Variants in ZNF468 observed in about 807,000 individuals in gnomAD.
ZNF468 encodes the protein zinc finger protein 468, also known as zinc finger protein ZNF468.
In ZNF468, 8 loss-of-function variants were observed where a neutral mutation model predicts 7.2. That is an observed-to-expected ratio of 1.11 (90% CI 0.65 to 2.01). ZNF468 has a LOEUF of 2.01. Ranked by LOEUF, ZNF468 falls within the 30% of genes most tolerant of loss-of-function variation. ZNF468 has a pLI of 0.00. For synonymous variants in ZNF468, 218 were observed against 214.4 expected, an observed-to-expected ratio of 1.02 and a Z score of -0.15; for missense variants, 608 against 626.5, an observed-to-expected ratio of 0.97 and a Z score of 0.31.
intron 2 of ZNF468, among the ~76,000 whole-genome samples, chr19:52,852,385 A>G (rs1213898545): frequency 4.6e-5 from 7 of 152,016 alleles, no homozygotes; most frequent in African/African-American, 1.7e-4. Flanking sequence ...AAATTTTTAC[A>G]AAAATAACAG....
rs536624484 is a variant in ZNF468, at chr19:52,852,733, C to T, written c.15+1525G>A. 2.6e-5 allele frequency among the ~76,000 whole-genome samples: 4 copies of T among 152,030 alleles called. No homozygotes were observed. The South Asian group carries it at 6.3e-4, about 24-fold the overall frequency. ...TAACTATTGGGTACTGGACTTGATA[C>T]CGGAGTGATGAAATAATTGGTACAA... On this transcript the variant is annotated intron_variant, in intron 2 of 3. Transcript: ENST00000595646.
In ZNF468 at chr19:52,841,340, C is replaced by T. The variant is rs1310568936; in HGVS notation, c.954G>A (p.Lys318=). The T allele has an allele frequency of 1.2e-6, 2 of 1,613,946 alleles. No homozygotes were observed. Among genetic ancestry groups the T allele is most frequent in the Non-Finnish European group, 8.5e-7 (1 of 1,179,944 alleles). ...FSRKSHLERH[K]RIHTGEKPYK... is the part of the protein sequence containing the mutation. ...ATGGTTTCTCTCCAGTATGAATCCT[C>T]TTATGTCTTTCAAGGTGTGATTTGC... The change falls in exon 4 of 4, where the codon AAG becomes AAA. Residue 318 remains lysine, a synonymous_variant. Transcript: ENST00000595646.
chr19:52,854,146 A>T, intron 2 of ZNF468, 112 bp downstream of exon 2: 8 of 1,599,330 alleles, frequency 5.0e-6, no homozygotes, highest in Non-Finnish European at 6.8e-6. Context: ...GGCATAAGTG[A>T]GGGTGAGCAA....
intron 3 of ZNF468, among the ~76,000 whole-genome samples, chr19:52,845,542 G>A (rs10424986): frequency 0.18 from 27,903 of 151,776 alleles, 2,903 homozygotes; most frequent in Admixed American, 0.31. Context: ...GCCTGTAGTC[G>A]CAGCTACTGG....
intron 2 of ZNF468, among the ~76,000 whole-genome samples, chr19:52,850,927 A>G (rs2063384689): frequency 6.6e-6 from 1 of 150,846 alleles, no homozygotes; most frequent in East Asian, 1.9e-4. Context: ...AAATATATAT[A>G]TATATACACA....
Position 52,839,812 on chromosome 19 carries a change from A to G in ZNF468, c.*913T>C, listed in dbSNP as rs2147721106. The G allele has an allele frequency of 1.9e-6, 1 of 513,092 alleles. No individual in the cohort carries two copies. The highest frequency in any genetic ancestry group is 5.3e-5 in the East Asian group (1 of 18,702). The allele number at this position is 513,092 out of a possible 1,614,324, so 31.8% of individuals were successfully genotyped here. A position where few individuals can be genotyped will look rare whatever the true frequency, so the allele number is the denominator to read the frequency against. The stretch of plus-strand genomic sequence containing the variant: ...TAAGGTTTCTCTCCAGCATGAGTTC[A>G]CCAGTGAAATGCAAGGCATGAACGA... On this transcript the variant is annotated 3_prime_UTR_variant, in exon 4 of 4. Coordinates refer to ENST00000595646, the MANE Select transcript of ZNF468 (RefSeq NM_001008801.2).
intron 3 of ZNF468, 107 bp downstream of exon 3, chr19:52,848,980 C>A (rs1463418680): frequency 1.1e-5 from 17 of 1,499,166 alleles, no homozygotes; most frequent in Non-Finnish European, 1.4e-5. Context: ...ATTTCAAAAT[C>A]AATATGGCTT....
chr19:52,842,118 GACA>G lies in ZNF468; in HGVS notation c.173_175del (p.Leu58del), dbSNP rs763683414. The G allele has an allele frequency of 1.3e-5, 20 of 1,595,394 alleles. No individual in the cohort carries two copies. Among genetic ancestry groups the G allele is most frequent in the Admixed American group, 5.3e-5 (3 of 56,298 alleles). On this transcript the variant is annotated inframe_deletion, in exon 4 of 4. Coordinates refer to ENST00000595646, the MANE Select transcript of ZNF468 (RefSeq NM_001008801.2). ...TTCTGTATTGCCTTGCCCTGTTGAC[GACA>G]ACGTCTTCAACATGCATTTGGAAGA... is the stretch of plus-strand genomic sequence containing the variant.
At chr19:52,854,776 G>A (rs1023596112) in intron 1 of ZNF468, among the ~76,000 whole-genome samples, 12 of 151,960 alleles carry the variant, frequency 7.9e-5, no homozygotes, top group Non-Finnish European at 1.5e-4. Flanking sequence ...TGTAATACTA[G>A]CACTCTGAAA....
At chr19:52,852,840 T>A (rs114444675) in intron 2 of ZNF468, among the ~76,000 whole-genome samples, 51,365 of 150,994 alleles carry the variant, frequency 0.34, 9,456 homozygotes, top group South Asian at 0.5. Flanking sequence ...TATATAAAAT[T>A]TTTTTTTAAT....
chr19:52,848,180 A>C (rs1192088670), intron 3 of ZNF468, among the ~76,000 whole-genome samples: 1 of 152,056 alleles, frequency 6.6e-6, no homozygotes, highest in Non-Finnish European at 1.5e-5. Flanking sequence ...CTGCATTTAC[A>C]CCTGTAATAC....
At chr19:52,845,908 C>T (rs71361277) in intron 3 of ZNF468, among the ~76,000 whole-genome samples, 1 of 151,988 alleles carries the variant, frequency 6.6e-6, no homozygotes, top group African/African-American at 2.4e-5. Context: ...GAGGCTGAGG[C>T]AGGAGAATCA....
intron 2 of ZNF468, 91 bp from the exon 3 acceptor site, chr19:52,849,304 T>C: frequency 6.3e-7 from 1 of 1,599,144 alleles, no homozygotes; most frequent in South Asian, 1.1e-5. Context: ...AAAGCATGGA[T>C]TTAACTGTAG....
At chr19:52,849,587 A>T (rs924896774) in intron 2 of ZNF468, 12 of 248,880 alleles carry the variant, frequency 4.8e-5, no homozygotes, top group Non-Finnish European at 8.5e-5. Context: ...TCCACAGTAA[A>T]AGATAGGCTG....
chr19:52,844,170 T>C (rs1378636817), intron 3 of ZNF468, among the ~76,000 whole-genome samples: 1 of 152,164 alleles, frequency 6.6e-6, no homozygotes, highest in African/African-American at 2.4e-5. Context: ...CTTTGGTAGA[T>C]GTGGTATTCT....
chr19:52,854,137 G>A (rs1363986534), intron 2 of ZNF468, 121 bp downstream of exon 2: 1 of 1,594,102 alleles, frequency 6.3e-7, no homozygotes, highest in Non-Finnish European at 8.6e-7. Context: ...CTGAAGGAAG[G>A]CATAAGTGAG....
chr19:52,840,149 T>C lies in ZNF468; in HGVS notation c.*576A>G, dbSNP rs2063282316. ...GGCTTTTCTCCAGTGTGAATTCTCC[T>C]ATGTATTTGAAGCTGGATTTGTGAA... On this transcript the variant is annotated 3_prime_UTR_variant, in exon 4 of 4. Transcript: ENST00000595646. 6.8e-6 allele frequency: 3 copies of C among 439,160 alleles called. No homozygotes were observed. Among genetic ancestry groups the C allele is most frequent in the Non-Finnish European group, 1.3e-5 (3 of 238,894 alleles). The allele number at this position is 439,160 out of a possible 1,614,324, so 27.2% of individuals were successfully genotyped here. A position where few individuals can be genotyped will look rare whatever the true frequency, so the allele number is the denominator to read the frequency against.
intron 2 of ZNF468, 114 bp from the exon 3 acceptor site, chr19:52,849,327 C>G: frequency 6.4e-7 from 1 of 1,562,144 alleles, no homozygotes; most frequent in Non-Finnish European, 8.7e-7. Context: ...AATGTTCTGA[C>G]AAATCCAAAT....
chr19:52,842,814 CAAAAAAAA>C (rs60067060), intron 3 of ZNF468, among the ~76,000 whole-genome samples: 1 of 52,928 alleles, frequency 1.9e-5, no homozygotes, highest in Non-Finnish European at 3.1e-5. Context: ...GACTCCATCT[CAAAAAAAA>C]AAAAAAAAAA....
Sources: gnomAD v4.1 joint callset for allele counts (sites outside exome capture counted in the v4.1 genomes callset) on GRCh38, gnomAD v4.1.1 for gene constraint, MANE v1.5 for transcripts, NCBI Gene and HGNC (gene_info 2026-07-23, HGNC 2026-07-21) for gene names.